The following SRBD1 variants were observed in gnomAD, a reference collection of about 807,000 sequenced individuals.
SRBD1 encodes the protein S1 RNA-binding domain-containing protein 1.
SRBD1 carries 88 observed loss-of-function variants against 115.3 expected under a neutral mutation model. The ratio of observed to expected loss-of-function variants is 0.76; its 90% CI spans 0.64 to 0.91. The LOEUF (loss-of-function observed/expected upper bound fraction) is 0.91. SRBD1 is among the 40% of genes least tolerant of loss of function. The probability of loss-of-function intolerance (pLI) is 0.00; values close to 1 mark genes in which losing one functional copy is unlikely to be tolerated. For missense variants in SRBD1, 1,385 were observed against 1,177.4 expected, an observed-to-expected ratio of 1.18 and a Z score of -2.58; for synonymous variants, 509 against 407.7, an observed-to-expected ratio of 1.25 and a Z score of -2.99.
At chr2:45,414,557 G>A (rs535789162) in intron 18 of SRBD1, among the ~76,000 whole-genome samples, 87 of 150,794 alleles carry the variant, frequency 5.8e-4, no homozygotes, top group Non-Finnish European at 1.0e-3. Flanking sequence ...TGTCTGTAGT[G>A]TGTGTACACA....
At chr2:45,581,848 T>C in intron 5 of SRBD1, 38 bp from the exon 6 acceptor site, 7 of 1,508,906 alleles carry the variant, frequency 4.6e-6, no homozygotes, top group Non-Finnish European at 6.4e-6. Flanking sequence ...CAAAACTGTA[T>C]GTCAAAACTT....
chr2:45,401,304 G>A (rs1667285957), intron 19 of SRBD1, among the ~76,000 whole-genome samples: 1 of 152,102 alleles, frequency 6.6e-6, no homozygotes. Flanking sequence ...TTAACTTTTA[G>A]CAATCTGTCC....
chr2:45,505,576 A>C (rs1670773382), intron 14 of SRBD1, among the ~76,000 whole-genome samples: 1 of 152,202 alleles, frequency 6.6e-6, no homozygotes, highest in Admixed American at 6.5e-5. Flanking sequence ...ATTCTTTGTT[A>C]AGTCTACAAA....
Position 45,477,107 on chromosome 2 carries a change from CTT to C in SRBD1, c.1967-34_1967-33del. On this transcript the variant is annotated intron_variant, in intron 15 of 20. Transcript: ENST00000263736. ...AAACAGAATCAGAAAACAAGTATGA[CTT>C]AATGTGAAAAGCAGTACCTAATAAT... 2.5e-6 allele frequency: 4 copies of C among 1,580,196 alleles called. No homozygotes were observed. The African/African-American group carries it at 4.0e-5, about 16-fold the overall frequency.
intron 10 of SRBD1, among the ~76,000 whole-genome samples, chr2:45,562,368 A>C (rs1490421887): frequency 6.6e-6 from 1 of 152,108 alleles, no homozygotes; most frequent in Non-Finnish European, 1.5e-5. Context: ...CGGGGATTAC[A>C]GGTGTGCACC....
chr2:45,473,094 A>AT (rs1669699817), intron 16 of SRBD1, among the ~76,000 whole-genome samples: 1 of 151,612 alleles, frequency 6.6e-6, no homozygotes, highest in Non-Finnish European at 1.5e-5. Flanking sequence ...CTATCTCCTT[A>AT]TATTTTGTTG....
chr2:45,457,536 C>T (rs1056494562), intron 16 of SRBD1, among the ~76,000 whole-genome samples: 1 of 151,830 alleles, frequency 6.6e-6, no homozygotes, highest in Non-Finnish European at 1.5e-5. Flanking sequence ...TATTTCAAAT[C>T]TCAACTTCAT....
rs186728446 is a variant in SRBD1, at chr2:45,551,433, G to C, written c.1518-151C>G. On this transcript the variant is annotated intron_variant, in intron 11 of 20. Coordinates refer to ENST00000263736, the MANE Select transcript of SRBD1 (RefSeq NM_018079.5). ...GAAAAATATACAAAAATTATATTGA[G>C]TCTATTTTCACTAATCACAGTAATA... 212 of 821,856 alleles carry C rather than the reference G, an allele frequency of 2.6e-4. 1 individual carries two copies. Among genetic ancestry groups the C allele is most frequent in the Non-Finnish European group, 1.5e-5 (8 of 550,108 alleles). The allele number at this position is 821,856 out of a possible 1,614,324, so 50.9% of individuals were successfully genotyped here. A position where few individuals can be genotyped will look rare whatever the true frequency, so the allele number is the denominator to read the frequency against.
At chr2:45,525,814 T>C (rs926131953) in intron 14 of SRBD1, among the ~76,000 whole-genome samples, 2 of 151,912 alleles carry the variant, frequency 1.3e-5, no homozygotes, top group Non-Finnish European at 2.9e-5. Context: ...GCAAAGAATA[T>C]GAATAGACAT....
At chr2:45,522,064 A>G (rs1671301510) in intron 14 of SRBD1, among the ~76,000 whole-genome samples, 1 of 152,222 alleles carries the variant, frequency 6.6e-6, no homozygotes, top group Non-Finnish European at 1.5e-5. Context: ...AGCACTATAC[A>G]CAATAGCCAG....
intron 14 of SRBD1, among the ~76,000 whole-genome samples, chr2:45,493,009 A>C (rs894220686): frequency 6.6e-6 from 1 of 152,350 alleles, no homozygotes; most frequent in East Asian, 1.9e-4. Context: ...ATACCTTTTT[A>C]ATTCTTTACA....
At chr2:45,592,919 T>C (rs1362943404) in intron 4 of SRBD1, among the ~76,000 whole-genome samples, 3 of 151,970 alleles carry the variant, frequency 2.0e-5, no homozygotes, top group African/African-American at 7.2e-5. Context: ...TTGAGAAAAA[T>C]TAGGCAAACA....
intron 16 of SRBD1, among the ~76,000 whole-genome samples, chr2:45,460,333 A>G (rs1220624662): frequency 1.3e-5 from 2 of 152,190 alleles, no homozygotes; most frequent in Non-Finnish European, 2.9e-5. Context: ...AAATCGTAAA[A>G]GAGGTTTGGA....
intron 12 of SRBD1, among the ~76,000 whole-genome samples, chr2:45,550,493 CA>C (rs3064241): frequency 7.6e-4 from 103 of 135,612 alleles, no homozygotes; most frequent in East Asian, 1.4e-3. Flanking sequence ...TTACAGTAGC[CA>C]AAAAAAAAAA....
At chr2:45,569,453 T>G (rs1558484818) in intron 9 of SRBD1, 1 of 152,190 alleles carries the variant, frequency 6.6e-6, no homozygotes, top group Non-Finnish European at 1.5e-5. Context: ...CTCAGGGTCC[T>G]GAGTAGCTGG....
intron 19 of SRBD1, among the ~76,000 whole-genome samples, chr2:45,405,085 C>G (rs961519599): frequency 2.6e-5 from 4 of 152,142 alleles, no homozygotes; most frequent in Non-Finnish European, 5.9e-5. Flanking sequence ...TATTCCATTA[C>G]TCTGCTCTTT....
At chr2:45,510,278 A>G (rs900839988) in intron 14 of SRBD1, among the ~76,000 whole-genome samples, 1 of 152,218 alleles carries the variant, frequency 6.6e-6, no homozygotes, top group African/African-American at 2.4e-5. Context: ...GTCTTATTCT[A>G]CCATTTTCAA....
intron 16 of SRBD1, among the ~76,000 whole-genome samples, chr2:45,429,983 C>G (rs930952421): frequency 6.6e-6 from 1 of 152,112 alleles, no homozygotes; most frequent in African/African-American, 2.4e-5. Flanking sequence ...CACAGGCACT[C>G]CTATACACCA....
At chr2:45,535,534 T>C (rs1671739467) in intron 14 of SRBD1, among the ~76,000 whole-genome samples, 1 of 151,954 alleles carries the variant, frequency 6.6e-6, no homozygotes, top group South Asian at 2.1e-4. Context: ...CATCAGTTCA[T>C]CTCCAAGCTT....
Sources: allele counts gnomAD v4.1 joint callset (sites outside exome capture counted in the v4.1 genomes callset), GRCh38; gene constraint gnomAD v4.1.1; transcripts MANE v1.5; gene names NCBI Gene and HGNC (gene_info 2026-07-23, HGNC 2026-07-21).